Variants in OR56A3 observed in about 807,000 individuals in gnomAD.
OR56A3 encodes the protein olfactory receptor family 56 subfamily A member 3, also known as olfactory receptor 56A3.
OR56A3 carries 23 observed loss-of-function variants against 17.5 expected under a neutral mutation model. The observed-to-expected ratio is 1.32, with a 90% CI of 0.95 to 1.87. The LOEUF (loss-of-function observed/expected upper bound fraction) is 1.87, where lower values mean the gene tolerates loss of function less well. Among genes scored for constraint, OR56A3 ranks in the 40% most tolerant of loss-of-function variants. The probability of loss-of-function intolerance (pLI) is 0.00; values close to 1 mark genes in which losing one functional copy is unlikely to be tolerated. For synonymous variants in OR56A3, 175 were observed against 150.6 expected (o/e 1.16, Z -1.19); for missense variants, 366 against 380.1 (o/e 0.96, Z 0.31).
At chr11:5,972,632 C>T in the OR56A3 span, among the ~76,000 whole-genome samples, 1 of 152,100 alleles carries the variant, frequency 6.6e-6, no homozygotes, top group Non-Finnish European at 1.5e-5. Context: ...GTTTGGGATA[C>T]TGGGACCCAG....
At chr11:5,975,255 G>T in the OR56A3 span, among the ~76,000 whole-genome samples, 6 of 152,158 alleles carry the variant, frequency 3.9e-5, no homozygotes, top group Non-Finnish European at 8.8e-5. Context: ...TGTGCACAAC[G>T]TGCAGGTTTG....
chr11:5,962,356 G>T, the OR56A3 span, among the ~76,000 whole-genome samples: 1 of 152,050 alleles, frequency 6.6e-6, no homozygotes, highest in African/African-American at 2.4e-5. Flanking sequence ...AGTTTTCTTT[G>T]TGTGTGCGTG....
At chr11:5,986,347 G>T in the OR56A3 span, 1 of 1,613,962 alleles carries the variant, frequency 6.2e-7, no homozygotes, top group Non-Finnish European at 8.5e-7. Flanking sequence ...TTCACAATAG[G>T]CATGGCCTAT....
chr11:5,984,043 G>A, the OR56A3 span, among the ~76,000 whole-genome samples: 1 of 152,104 alleles, frequency 6.6e-6, no homozygotes, highest in African/African-American at 2.4e-5. Context: ...AATTGTGCTT[G>A]GAGTCGAATT....
At position 5,948,235 on chromosome 11, in the gene OR56A3, G is replaced by A. The variant is rs200484578; in HGVS notation, c.889G>A (p.Gly297Arg). The A allele has an allele frequency of 9.2e-5, 148 of 1,614,062 alleles. No individual in the cohort carries two copies. Among genetic ancestry groups the A allele is most frequent in the Non-Finnish European group, 1.2e-4 (136 of 1,180,034 alleles). Residue 297 changes from glycine to arginine, a missense_variant, in exon 3 of 3, where the codon GGG becomes AGG. By Grantham distance (125) the Gly-to-Arg change is moderately radical (BLOSUM62 -2). Transcript: ENST00000641160. ...IPAALNPIIYGVRTQEIKQGM... is the reference protein window; with the variant it reads ...IPAALNPIIYRVRTQEIKQGM... ...TGCAGCCCTTAACCCCATCATTTAC[G>A]GGGTGAGAACCCAAGAAATTAAGCA...
At chr11:5,984,449 T>C in the OR56A3 span, among the ~76,000 whole-genome samples, 10 of 152,180 alleles carry the variant, frequency 6.6e-5, no homozygotes, top group Admixed American at 3.9e-4. Flanking sequence ...TCTTCTGTAT[T>C]GTTACTCTTC....
At chr11:5,946,410 T>TA (rs1252765738) in intron 2 of OR56A3, among the ~76,000 whole-genome samples, 1 of 152,140 alleles carries the variant, frequency 6.6e-6, no homozygotes, top group African/African-American at 2.4e-5. Flanking sequence ...GGTTAAATGA[T>TA]AAGGGAATAA....
intron 2 of OR56A3, 140 bp from the exon 3 acceptor site, chr11:5,947,171 C>T: frequency 1.6e-6 from 1 of 615,844 alleles, no homozygotes. Context: ...ACCCCAGTGA[C>T]ATGACACTGA....
the OR56A3 span, among the ~76,000 whole-genome samples, chr11:5,980,747 G>C: frequency 6.6e-6 from 1 of 152,072 alleles, no homozygotes; most frequent in Non-Finnish European, 1.5e-5. Flanking sequence ...ATGTAGACTT[G>C]ATTGTGTACT....
chr11:5,979,085 C>T, the OR56A3 span, among the ~76,000 whole-genome samples: 2 of 106,170 alleles, frequency 1.9e-5, no homozygotes, highest in African/African-American at 5.3e-5. Context: ...GGTGGATTAG[C>T]TTTTTGATGT....
the OR56A3 span, among the ~76,000 whole-genome samples, chr11:5,964,597 C>A: frequency 6.6e-6 from 1 of 152,154 alleles, no homozygotes; most frequent in Non-Finnish European, 1.5e-5. Context: ...GGGGTGCACC[C>A]AAACTCATGG....
chr11:5,986,989 G>A, the OR56A3 span: 1 of 1,515,634 alleles, frequency 6.6e-7, no homozygotes, highest in Non-Finnish European at 8.9e-7. Flanking sequence ...ATCATCCTGA[G>A]AAGAATAAAG....
At chr11:6,001,888 C>T in the OR56A3 span, 1 of 634,734 alleles carries the variant, frequency 1.6e-6, no homozygotes, top group Non-Finnish European at 2.5e-6. Flanking sequence ...CAAAGATTCA[C>T]AAATAAATGT....
At chr11:5,974,368 G>A in the OR56A3 span, among the ~76,000 whole-genome samples, 8 of 152,180 alleles carry the variant, frequency 5.3e-5, no homozygotes, top group African/African-American at 1.7e-4. Context: ...GCCTCTCAAA[G>A]TGCTAGGATT....
chr11:6,017,191 A>T, the OR56A3 span: 2 of 152,194 alleles, frequency 1.3e-5, no homozygotes. Context: ...TTCAAATTTT[A>T]GGTGTTCTAG....
chr11:5,984,757 A>C, the OR56A3 span, among the ~76,000 whole-genome samples: 1 of 152,194 alleles, frequency 6.6e-6, no homozygotes, highest in Non-Finnish European at 1.5e-5. Flanking sequence ...TATGAGTAAA[A>C]TTTACTAAGA....
the OR56A3 span, chr11:5,994,598 A>G: frequency 1.9e-5 from 15 of 807,202 alleles, no homozygotes; most frequent in Admixed American, 1.2e-4. Flanking sequence ...GGTGTCATCA[A>G]TGACCTTGTG....
the OR56A3 span, among the ~76,000 whole-genome samples, chr11:5,970,643 A>T: frequency 6.6e-6 from 1 of 152,096 alleles, no homozygotes; most frequent in Admixed American, 6.5e-5. Flanking sequence ...ATACATTTAA[A>T]CTGAGGGGCA....
At chr11:6,004,928 T>G in the OR56A3 span, among the ~76,000 whole-genome samples, 1 of 152,136 alleles carries the variant, frequency 6.6e-6, no homozygotes, top group Non-Finnish European at 1.5e-5. Flanking sequence ...CTTACCTAAT[T>G]AGTAGAGAAA....
Sources: allele counts gnomAD v4.1 joint callset (sites outside exome capture counted in the v4.1 genomes callset), GRCh38; gene constraint gnomAD v4.1.1; transcripts MANE v1.5; gene names NCBI Gene and HGNC (gene_info 2026-07-23, HGNC 2026-07-21).